Variants in TBC1D12 observed in about 807,000 individuals in gnomAD.
TBC1D12 encodes TBC1 domain family member 12.
TBC1D12 carries 56 observed loss-of-function variants against 86.7 expected under a neutral mutation model. The observed-to-expected ratio is 0.65, with a 90% CI of 0.52 to 0.81. TBC1D12 has a LOEUF of 0.81. TBC1D12 is among the 30% of genes least tolerant of loss of function. TBC1D12 has a pLI of 0.00. For synonymous variants in TBC1D12, 421 were observed against 411.7 expected (o/e 1.02, Z -0.27); for missense variants, 1,023 against 1,038.8 (o/e 0.98, Z 0.21).
At chr10:94,453,004 C>G (rs1212763382) in intron 2 of TBC1D12, among the ~76,000 whole-genome samples, 2 of 152,098 alleles carry the variant, frequency 1.3e-5, no homozygotes, top group Non-Finnish European at 2.9e-5. Flanking sequence ...GTCTCATTGT[C>G]TTAATTTGCA....
chr10:94,510,654 C>T (rs1480977071), intron 8 of TBC1D12, among the ~76,000 whole-genome samples: 2 of 152,082 alleles, frequency 1.3e-5, no homozygotes, highest in African/African-American at 4.8e-5. Flanking sequence ...TTATCTTTGA[C>T]TCATGTCTTT....
intron 6 of TBC1D12, among the ~76,000 whole-genome samples, chr10:94,505,369 A>T (rs2056447227): frequency 6.6e-6 from 1 of 152,186 alleles, no homozygotes; most frequent in African/African-American, 2.4e-5. Flanking sequence ...ACATGAGGCC[A>T]GGAGTTCAAG....
rs574710542 is a variant in TBC1D12 at position 94,476,825 on chromosome 10, A to G, written c.1211+2042A>G. Among the ~76,000 whole-genome samples, 6 of 152,228 alleles carry G rather than the reference A, an allele frequency of 3.9e-5. No homozygotes were observed. In the East Asian group the frequency reaches 1.2e-3, roughly 29 times the overall value. On this transcript the variant is annotated intron_variant, in intron 3 of 12. Coordinates refer to ENST00000225235, the MANE Select transcript of TBC1D12 (RefSeq NM_015188.2). ...AGGTTCTACCTCCATGCCTTTGCTC[A>G]TGTTATTCCCCTCTCTTGGAAGGCT...
Position 94,403,570 on chromosome 10 carries a change from G to A in TBC1D12, c.957G>A (p.Ala319=). The change falls in exon 1 of 13, where the codon GCG becomes GCA. Residue 319 remains alanine (A), a synonymous_variant. Transcript: ENST00000225235. ...GGGCTCGACGGAGTGGCGGCTTCGCGGACTTCTTCACCAGGTACAGCGCAG... is the reference window on the plus strand; with the variant it reads ...GGGCTCGACGGAGTGGCGGCTTCGCAGACTTCTTCACCAGGTACAGCGCAG... The part of the protein sequence containing the change: ...SARARRSGGF[A]DFFTRNLFPK... 2.0e-6 allele frequency: 3 copies of A among 1,474,668 alleles called. No individual in the cohort carries two copies. Among genetic ancestry groups the A allele is most frequent in the Non-Finnish European group, 2.7e-6 (3 of 1,123,208 alleles). 91.3% of individuals were successfully genotyped at this position (1,474,668 alleles called of 1,614,324 possible).
intron 1 of TBC1D12, among the ~76,000 whole-genome samples, chr10:94,407,063 A>C (rs539484209): frequency 6.2e-4 from 95 of 152,314 alleles, no homozygotes; most frequent in African/African-American, 2.2e-3. Flanking sequence ...TTAAAAAAAA[A>C]ACAGTTTTAT....
chr10:94,468,503 A>G (rs1280949522), intron 2 of TBC1D12, among the ~76,000 whole-genome samples: 3 of 152,068 alleles, frequency 2.0e-5, no homozygotes, highest in Non-Finnish European at 2.9e-5. Flanking sequence ...TCAGCAGTTT[A>G]AAGATTTTTC....
intron 1 of TBC1D12, among the ~76,000 whole-genome samples, chr10:94,423,342 C>CT (rs71486719): frequency 0.65 from 61,330 of 94,446 alleles, 23,137 homozygotes; most frequent in East Asian, 0.85. Context: ...CATTCACCAT[C>CT]TTTTTTTTTT....
Position 94,500,287 on chromosome 10 carries a change from T to G in TBC1D12, c.1479T>G (p.Val493=), listed in dbSNP as rs1466441044. Residue 493 remains valine, a synonymous_variant, in exon 6 of 13, where the codon GTT becomes GTG. Transcript: ENST00000225235. Reference sequence around the variant, plus strand: ...TGCCCCCTAGTGTCCGTGGGAAAGTTTGGAGTCTAGCTGTAGGAAATGAAC... The same window carrying G: ...TGCCCCCTAGTGTCCGTGGGAAAGTGTGGAGTCTAGCTGTAGGAAATGAAC... ...QGLPPSVRGK[V]WSLAVGNELN... The G allele has an allele frequency of 8.1e-6, 13 of 1,613,900 alleles. No individual in the cohort carries two copies. Among genetic ancestry groups the G allele is most frequent in the Non-Finnish European group, 1.1e-5 (13 of 1,179,970 alleles).
chr10:94,408,496 G>GT (rs1037182834), intron 1 of TBC1D12, among the ~76,000 whole-genome samples: 2 of 151,904 alleles, frequency 1.3e-5, no homozygotes, highest in African/African-American at 4.8e-5. Context: ...AACCAATGAA[G>GT]TTTTTTTGTT....
At chr10:94,473,246 G>T (rs2055935354) in intron 2 of TBC1D12, among the ~76,000 whole-genome samples, 1 of 151,466 alleles carries the variant, frequency 6.6e-6, no homozygotes, top group African/African-American at 2.4e-5. Context: ...TGTAATCCCA[G>T]CTACTCGGGA....
intron 9 of TBC1D12, among the ~76,000 whole-genome samples, chr10:94,519,832 T>C (rs971964982): frequency 1.3e-5 from 2 of 152,184 alleles, no homozygotes; most frequent in Non-Finnish European, 2.9e-5. Flanking sequence ...CTCATGATGA[T>C]TACTTCAGGC....
intron 1 of TBC1D12, among the ~76,000 whole-genome samples, chr10:94,428,604 A>G (rs1328266904): frequency 1.3e-5 from 2 of 150,428 alleles, no homozygotes; most frequent in African/African-American, 2.5e-5. Flanking sequence ...TAAGTACATC[A>G]TTTACTTAAA....
chr10:94,485,631 C>T (rs183143083), intron 3 of TBC1D12, among the ~76,000 whole-genome samples: 2 of 151,008 alleles, frequency 1.3e-5, no homozygotes, highest in Admixed American at 1.3e-4. Flanking sequence ...TAAGAATTCC[C>T]TCCTCTATTT....
At chr10:94,525,672 A>AAG (rs911991515) in intron 11 of TBC1D12, among the ~76,000 whole-genome samples, 4 of 151,958 alleles carry the variant, frequency 2.6e-5, no homozygotes, top group African/African-American at 9.7e-5. Flanking sequence ...AAAAAAAAAA[A>AAG]AAAAAAGCTA....
chr10:94,518,219 T>C (rs949100433), intron 9 of TBC1D12, among the ~76,000 whole-genome samples: 1 of 152,028 alleles, frequency 6.6e-6, no homozygotes, highest in African/African-American at 2.4e-5. Flanking sequence ...TTCTTTTCTT[T>C]TTCTTTTTTT....
chr10:94,414,347 C>A (rs17110009), intron 1 of TBC1D12, among the ~76,000 whole-genome samples: 1 of 152,100 alleles, frequency 6.6e-6, no homozygotes, highest in Non-Finnish European at 1.5e-5. Context: ...TGAAGATATT[C>A]GTAGAGAGAG....
At chr10:94,517,068 A>C (rs1247405429) in intron 9 of TBC1D12, among the ~76,000 whole-genome samples, 3 of 151,990 alleles carry the variant, frequency 2.0e-5, no homozygotes, top group African/African-American at 7.2e-5. Flanking sequence ...TAAAAAAAGA[A>C]AAAAAATATA....
intron 2 of TBC1D12, among the ~76,000 whole-genome samples, chr10:94,467,341 T>G (rs111886125): frequency 0.03 from 4,639 of 152,278 alleles, 113 homozygotes; most frequent in Middle Eastern, 0.14. Flanking sequence ...CAAGCGATTC[T>G]CCTGCCTCAG....
chr10:94,499,529 G>A lies in TBC1D12; in HGVS notation c.1413-692G>A, dbSNP rs186316349. Among the ~76,000 whole-genome samples, 337 of 152,232 alleles carry A rather than the reference G, an allele frequency of 2.2e-3. 4 individuals carry two copies. Among genetic ancestry groups the A allele is most frequent in the South Asian group, 0.011 (53 of 4,810 alleles). On this transcript the variant is annotated intron_variant, in intron 5 of 12. Transcript: ENST00000225235. ...CTTTTTACATAACATTTTAAAATAT[G>A]CCTTATCTTCCCTCTCGACTGGAGG...
Sources: gnomAD v4.1 joint callset for allele counts (sites outside exome capture counted in the v4.1 genomes callset) on GRCh38, gnomAD v4.1.1 for gene constraint, MANE v1.5 for transcripts, NCBI Gene and HGNC (gene_info 2026-07-23, HGNC 2026-07-21) for gene names.